The following LDAH variants were observed in gnomAD, a reference collection of about 807,000 sequenced individuals.
The protein encoded by LDAH is lipid droplet-associated hydrolase.
Under a neutral mutation model 29.6 loss-of-function variants are expected in LDAH, and 26 were observed. The ratio of observed to expected loss-of-function variants is 0.88; its 90% confidence interval spans 0.64 to 1.22. LDAH has a LOEUF of 1.22. Ranked by LOEUF, LDAH falls within the 50% of genes most tolerant of loss-of-function variation. LDAH has a pLI of 0.00. For missense variants in LDAH, 344 were observed against 387.3 expected (o/e 0.89, Z 0.94); for synonymous variants, 117 against 133.0 (o/e 0.88, Z 0.83).
At chr2:20,757,713 T>C (rs2124936996) in intron 4 of LDAH, among the ~76,000 whole-genome samples, 1 of 152,288 alleles carries the variant, frequency 6.6e-6, no homozygotes, top group Non-Finnish European at 1.5e-5. Context: ...CCTCATCCAA[T>C]CAGTTGAAGG....
chr2:20,802,066 A>G (rs1305024460), intron 1 of LDAH, among the ~76,000 whole-genome samples: 2 of 151,664 alleles, frequency 1.3e-5, no homozygotes, highest in African/African-American at 4.9e-5. Context: ...TACACACACA[A>G]TATACATGTA....
At chr2:20,708,090 T>C (rs911062449) in intron 5 of LDAH, among the ~76,000 whole-genome samples, 2 of 152,186 alleles carry the variant, frequency 1.3e-5, no homozygotes, top group Admixed American at 1.3e-4. Flanking sequence ...TTCTACATTA[T>C]GGTGAGTTGT....
At chr2:20,700,535 G>A (rs935019860) in intron 6 of LDAH, among the ~76,000 whole-genome samples, 1 of 151,736 alleles carries the variant, frequency 6.6e-6, no homozygotes, top group Non-Finnish European at 1.5e-5. Flanking sequence ...GGGTTATCTC[G>A]TATTTCACTT....
chr2:20,702,357 T>C (rs1162857287), intron 5 of LDAH, among the ~76,000 whole-genome samples: 1 of 152,256 alleles, frequency 6.6e-6, no homozygotes, highest in East Asian at 1.9e-4. Context: ...CATCTGTCCT[T>C]CCCTTCATTT....
At chr2:20,768,503 TGG>T (rs1254085548) in intron 4 of LDAH, among the ~76,000 whole-genome samples, 1 of 152,118 alleles carries the variant, frequency 6.6e-6, no homozygotes, top group Non-Finnish European at 1.5e-5. Context: ...GTGCAGTGGC[TGG>T]ACCCCATACT....
intron 2 of LDAH, among the ~76,000 whole-genome samples, chr2:20,794,884 T>G (rs1219048907): frequency 1.3e-5 from 2 of 152,176 alleles, no homozygotes; most frequent in Non-Finnish European, 2.9e-5. Flanking sequence ...GTCTAACTTA[T>G]AACAGAGACA....
chr2:20,700,072 T>C (rs1663809422), intron 6 of LDAH, among the ~76,000 whole-genome samples: 1 of 152,256 alleles, frequency 6.6e-6, no homozygotes, highest in South Asian at 2.1e-4. Flanking sequence ...GTTGAGCTGT[T>C]TTTATGAACT....
Position 20,788,791 on chromosome 2 carries a change from G to A in LDAH, c.298+1464C>T, listed in dbSNP as rs1670737638. ...TCCAATTGTTACACCTTTTGAAAGT[G>A]TCCTTCAACTCTTGGATATGCTGTA... is the stretch of plus-strand genomic sequence containing the variant. On this transcript the variant is annotated intron_variant, in intron 3 of 6. Coordinates refer to ENST00000237822, the MANE Select transcript of LDAH (RefSeq NM_021925.4). 3.8e-5 allele frequency: 9 copies of A among 237,932 alleles called. 1 individual carries two copies. The South Asian group carries it at 4.1e-4, about 11-fold the overall frequency. 14.7% of individuals were successfully genotyped at this position (237,932 alleles called of 1,614,324 possible).
At chr2:20,753,794 T>C (rs1246537632) in intron 4 of LDAH, among the ~76,000 whole-genome samples, 1 of 152,216 alleles carries the variant, frequency 6.6e-6, no homozygotes, top group Non-Finnish European at 1.5e-5. Flanking sequence ...AGGTCACTTC[T>C]ATGATGCCTA....
chr2:20,813,691 T>C (rs1672656130), intron 1 of LDAH, among the ~76,000 whole-genome samples: 1 of 152,238 alleles, frequency 6.6e-6, no homozygotes, highest in Admixed American at 6.5e-5. Context: ...CTTTTAGCGA[T>C]GTAGAATGGT....
Position 20,796,866 on chromosome 2 carries a change from A to G in LDAH, c.154+4444T>C, listed in dbSNP as rs144345209. 5.0e-3 allele frequency among the ~76,000 whole-genome samples: 765 copies of G among 152,318 alleles called. 6 individuals carry two copies. The highest frequency in any genetic ancestry group is 0.017 in the African/African-American group (727 of 41,564). Reference sequence around the variant, plus strand: ...ATTCAAAACATGGTCTCAACTCTCAACAGAAAAAACAGTAGTCAGGAAGCA... The same window carrying G: ...ATTCAAAACATGGTCTCAACTCTCAGCAGAAAAAACAGTAGTCAGGAAGCA... On this transcript the variant is annotated intron_variant, in intron 2 of 6. Transcript: ENST00000237822.
At chr2:20,707,646 T>G (rs898536733) in intron 5 of LDAH, among the ~76,000 whole-genome samples, 3 of 152,080 alleles carry the variant, frequency 2.0e-5, no homozygotes, top group Non-Finnish European at 4.4e-5. Flanking sequence ...AGCACAATTG[T>G]ATGAGAAATT....
Position 20,742,682 on chromosome 2 carries a change from G to A in LDAH, c.469-2477C>T, listed in dbSNP as rs577661220. ...CCATCCATTTACTTTTCATTTACAT[G>A]TGTCTTTATATTTAAAGTGGGGTTC... On this transcript the variant is annotated intron_variant, in intron 4 of 6. Coordinates refer to ENST00000237822, the MANE Select transcript of LDAH (RefSeq NM_021925.4). Among the ~76,000 whole-genome samples, 13 of 151,904 alleles carry A rather than the reference G, an allele frequency of 8.6e-5. No homozygotes were observed. The East Asian group carries it at 2.5e-3, about 29-fold the overall frequency.
intron 1 of LDAH, among the ~76,000 whole-genome samples, chr2:20,808,469 C>T (rs561293148): frequency 1.3e-3 from 196 of 152,080 alleles, no homozygotes; most frequent in African/African-American, 4.6e-3. Flanking sequence ...AGAGACCATC[C>T]TGGCTAACAC....
chr2:20,775,815 A>G (rs1299409602), intron 3 of LDAH, among the ~76,000 whole-genome samples: 1 of 152,158 alleles, frequency 6.6e-6, no homozygotes, highest in Non-Finnish European at 1.5e-5. Flanking sequence ...ATAGCACTTT[A>G]TCAAACTTGC....
chr2:20,733,973 C>T lies in LDAH; in HGVS notation c.703+5998G>A, dbSNP rs540976879. Among the ~76,000 whole-genome samples the T allele has an allele frequency of 3.3e-5, 5 of 152,218 alleles. No individual in the cohort carries two copies. In the South Asian group the frequency reaches 1.0e-3, roughly 32 times the overall value. ...TCTGTTGCTGATTTCTAGTTTGATT[C>T]CACTGTGGTCACTGAACATACTCTG... On this transcript the variant is annotated intron_variant, in intron 5 of 6. Transcript: ENST00000237822.
chr2:20,687,251 C>G (rs1458278300), intron 6 of LDAH, among the ~76,000 whole-genome samples, 157 bp from the exon 7 acceptor site: 1 of 152,196 alleles, frequency 6.6e-6, no homozygotes, highest in Non-Finnish European at 1.5e-5. Flanking sequence ...CTCAAGGCAG[C>G]AAGGCTTCAC....
chr2:20,814,166 T>G (rs529296518), intron 1 of LDAH, among the ~76,000 whole-genome samples: 112 of 145,260 alleles, frequency 7.7e-4, no homozygotes, highest in South Asian at 6.1e-3. Context: ...ATGCATTAAC[T>G]TTTCATACTT....
chr2:20,819,973 G>A (rs533409497), intron 1 of LDAH, among the ~76,000 whole-genome samples: 2 of 152,038 alleles, frequency 1.3e-5, no homozygotes, highest in African/African-American at 4.8e-5. Context: ...ACCAATAACA[G>A]ACAAACAGAG....
Sources: allele counts gnomAD v4.1 joint callset (sites outside exome capture counted in the v4.1 genomes callset), GRCh38; gene constraint gnomAD v4.1.1; transcripts MANE v1.5; gene names NCBI Gene and HGNC (gene_info 2026-07-23, HGNC 2026-07-21).